HDAC9: variants seen among roughly 807,000 people sequenced by gnomAD.
HDAC9 encodes MEF-2 interacting transcription repressor (MITR) protein.
A neutral mutation model predicts 139.4 loss-of-function variants in HDAC9; 41 were observed. That is an observed-to-expected ratio of 0.29 (90% CI 0.23 to 0.38). HDAC9 has a LOEUF of 0.38. Ranked by LOEUF, HDAC9 falls within the 10% of genes least tolerant of loss-of-function variation. The pLI, the probability that HDAC9 is intolerant of heterozygous loss-of-function variation, is 1.00. For missense variants in HDAC9, 1,147 were observed against 1,297.0 expected (o/e 0.88, Z 1.78); for synonymous variants, 517 against 476.2 (o/e 1.09, Z -1.12).
intron 1 of HDAC9, among the ~76,000 whole-genome samples, chr7:18,451,702 G>A (rs985760263): frequency 2.6e-5 from 4 of 151,854 alleles, no homozygotes; most frequent in East Asian, 1.9e-4. Context: ...GTGCTTCGGC[G>A]GGGGTTGGGT....
intron 12 of HDAC9, chr7:18,667,028 G>T: frequency 1.0e-6 from 1 of 985,498 alleles, no homozygotes; most frequent in Non-Finnish European, 1.2e-6. Flanking sequence ...TAGTTAAGTA[G>T]AAATGTTCTG....
intron 16 of HDAC9, among the ~76,000 whole-genome samples, chr7:18,792,028 A>G (rs1037297452): frequency 2.6e-5 from 4 of 152,138 alleles, no homozygotes; most frequent in Admixed American, 1.3e-4. Flanking sequence ...CTTCACTACT[A>G]TACTGCTGTT....
intron 1 of HDAC9, among the ~76,000 whole-genome samples, chr7:18,385,506 A>T (rs573437729): frequency 1.3e-5 from 2 of 152,302 alleles, no homozygotes; most frequent in South Asian, 4.1e-4. Context: ...CTATAGATAC[A>T]TTGTATTGTT....
chr7:18,114,980 TGTATAA>T (rs764526488), intron 1 of HDAC9, among the ~76,000 whole-genome samples: 7 of 152,132 alleles, frequency 4.6e-5, no homozygotes, highest in African/African-American at 1.2e-4. Context: ...AGATTAGAAG[TGTATAA>T]GTATATTTCT....
At chr7:18,826,275 C>T (rs2129203609) in intron 17 of HDAC9, among the ~76,000 whole-genome samples, 1 of 152,224 alleles carries the variant, frequency 6.6e-6, no homozygotes, top group African/African-American at 2.4e-5. Flanking sequence ...AACAAGGACA[C>T]CAACTCTGCC....
intron 14 of HDAC9, among the ~76,000 whole-genome samples, chr7:18,757,291 A>C (rs1391947585): frequency 6.6e-6 from 1 of 152,176 alleles, no homozygotes; most frequent in Non-Finnish European, 1.5e-5. Flanking sequence ...CAATGGATGA[A>C]ATATTTTCAG....
intron 1 of HDAC9, among the ~76,000 whole-genome samples, chr7:18,151,255 C>T (rs917461655): frequency 1.4e-4 from 21 of 152,054 alleles, no homozygotes; most frequent in African/African-American, 4.6e-4. Context: ...GGATTGAGTG[C>T]GGAGTTTGTT....
intron 24 of HDAC9, among the ~76,000 whole-genome samples, chr7:18,965,438 G>C (rs1334613755): frequency 1.3e-5 from 2 of 152,186 alleles, no homozygotes; most frequent in African/African-American, 4.8e-5. Flanking sequence ...CCTTACGTCT[G>C]TTACATGTTG....
chr7:18,286,994 A>G (rs1797493538), upstream of HDAC9, among the ~76,000 whole-genome samples: 1 of 152,198 alleles, frequency 6.6e-6, no homozygotes, highest in Non-Finnish European at 1.5e-5. Flanking sequence ...TAATGATTCC[A>G]TTACCAGGCA....
chr7:18,792,630 A>G lies in HDAC9; in HGVS notation c.2215-715A>G, dbSNP rs180780895. ...AATGTTCTCTAGTAGATAAGCAACC[A>G]TCTATTTTACTGGCTTATCCAATTT... On this transcript the variant is annotated intron_variant, in intron 16 of 25. Coordinates refer to ENST00000686413, the MANE Select transcript of HDAC9 (RefSeq NM_178425.4). Among the ~76,000 whole-genome samples the G allele has an allele frequency of 5.3e-5, 8 of 152,324 alleles. No individual in the cohort carries two copies. The East Asian group carries it at 1.2e-3, about 22-fold the overall frequency.
intron 1 of HDAC9, among the ~76,000 whole-genome samples, chr7:18,092,568 A>T (rs1029381668): frequency 5.9e-5 from 9 of 152,264 alleles, no homozygotes; most frequent in Middle Eastern, 3.4e-3. Flanking sequence ...GCTCTATATC[A>T]TAAAAGAGAG....
At chr7:18,553,473 G>T (rs1484114053) in intron 2 of HDAC9, among the ~76,000 whole-genome samples, 1 of 152,150 alleles carries the variant, frequency 6.6e-6, no homozygotes, top group African/African-American at 2.4e-5. Context: ...AATACGTGCT[G>T]CAGACTTCAA....
At chr7:18,089,065 C>T (rs1447587494) in intron 1 of HDAC9, among the ~76,000 whole-genome samples, 1 of 152,098 alleles carries the variant, frequency 6.6e-6, no homozygotes, top group African/African-American at 2.4e-5. Flanking sequence ...AAACTGCCAG[C>T]CAGAGGGAGA....
intron 2 of HDAC9, among the ~76,000 whole-genome samples, chr7:18,531,476 T>G (rs1037209265): frequency 3.3e-5 from 5 of 152,114 alleles, no homozygotes; most frequent in Non-Finnish European, 7.4e-5. Flanking sequence ...ATGTATGTAA[T>G]TAAGAACCAA....
chr7:18,207,668 T>A (rs1184157562), intron 2 of HDAC9, among the ~76,000 whole-genome samples: 1 of 149,432 alleles, frequency 6.7e-6, no homozygotes, highest in East Asian at 2.0e-4. Flanking sequence ...ACACACACAC[T>A]TACATACTGT....
At chr7:18,767,541 G>A (rs1005331430) in intron 16 of HDAC9, among the ~76,000 whole-genome samples, 27 of 152,204 alleles carry the variant, frequency 1.8e-4, no homozygotes, top group African/African-American at 5.8e-4. Flanking sequence ...ATCACATTGA[G>A]TACGCACATA....
chr7:18,374,784 T>C (rs1383647474), intron 1 of HDAC9, among the ~76,000 whole-genome samples: 1 of 152,098 alleles, frequency 6.6e-6, no homozygotes, highest in Non-Finnish European at 1.5e-5. Context: ...TATACAGTCA[T>C]GTGCTGCATA....
At chr7:18,149,735 T>C (rs966294336) in intron 1 of HDAC9, among the ~76,000 whole-genome samples, 2 of 151,992 alleles carry the variant, frequency 1.3e-5, no homozygotes, top group Non-Finnish European at 2.9e-5. Context: ...TTTGTATTTT[T>C]AGTAGAGACA....
Position 18,615,451 on chromosome 7 carries a change from A to G in HDAC9, c.665-13899A>G, listed in dbSNP as rs73685125. ...CTATTTAATGTATTCTTAGTATTTT[A>G]TGGTTAAATTAAATAATCCTTAATT... On this transcript the variant is annotated intron_variant, in intron 6 of 25. Transcript: ENST00000686413. 7.8e-3 allele frequency among the ~76,000 whole-genome samples: 1,186 copies of G among 152,314 alleles called. 18 individuals are homozygous for G. The highest frequency in any genetic ancestry group is 0.027 in the African/African-American group (1,132 of 41,570).
Sources: allele counts gnomAD v4.1 joint callset (sites outside exome capture counted in the v4.1 genomes callset), GRCh38; gene constraint gnomAD v4.1.1; transcripts MANE v1.5; gene names NCBI Gene and HGNC (gene_info 2026-07-23, HGNC 2026-07-21).